LHPP: variants seen among roughly 807,000 people sequenced by gnomAD.
The protein encoded by LHPP is hLHPP.
Under a neutral mutation model 30.3 loss-of-function variants are expected in LHPP, and 24 were observed. The observed-to-expected ratio is 0.79, with a 90% CI of 0.57 to 1.11. LHPP has a LOEUF of 1.11. Ranked by LOEUF, LHPP falls within the 50% of genes most tolerant of loss-of-function variation. The pLI is 0.00. For synonymous variants in LHPP, 150 were observed against 157.1 expected (o/e 0.95, Z 0.34); for missense variants, 356 against 367.2 (o/e 0.97, Z 0.25).
intron 1 of LHPP, among the ~76,000 whole-genome samples, chr10:124,471,233 C>T (rs2133819030): frequency 6.6e-6 from 1 of 151,128 alleles, no homozygotes; most frequent in Middle Eastern, 3.4e-3. Context: ...CTCTTGAATG[C>T]CACCGCCCCA....
At chr10:124,600,597 G>A (rs536515145) in intron 6 of LHPP, among the ~76,000 whole-genome samples, 26 of 152,378 alleles carry the variant, frequency 1.7e-4, no homozygotes, top group African/African-American at 4.8e-4. Context: ...GGGCCTCCCC[G>A]GAGGAGGTGA....
chr10:124,515,883 C>T (rs1954438694), intron 5 of LHPP, among the ~76,000 whole-genome samples: 1 of 152,246 alleles, frequency 6.6e-6, no homozygotes, highest in Non-Finnish European at 1.5e-5. Flanking sequence ...AGGGAGTTTC[C>T]TCCCTCACGT....
chr10:124,484,373 T>C, intron 2 of LHPP, 47 bp downstream of exon 2: 2 of 1,556,552 alleles, frequency 1.3e-6, no homozygotes, highest in South Asian at 1.1e-5. Context: ...AAGCTCCCCT[T>C]TCCCAGGGTG....
At chr10:124,589,803 C>T (rs995544113) in intron 6 of LHPP, among the ~76,000 whole-genome samples, 12 of 152,232 alleles carry the variant, frequency 7.9e-5, no homozygotes, top group East Asian at 1.9e-4. Flanking sequence ...TCCCTGGTGC[C>T]GCAGCCCCTC....
chr10:124,584,206 GAA>G (rs34804550), intron 6 of LHPP, among the ~76,000 whole-genome samples: 63 of 146,482 alleles, frequency 4.3e-4, no homozygotes, highest in Admixed American at 1.6e-3. Flanking sequence ...CCCCATCTCT[GAA>G]AAAAAAAAAA....
chr10:124,553,308 G>A (rs1017943960), intron 6 of LHPP, among the ~76,000 whole-genome samples: 7 of 152,178 alleles, frequency 4.6e-5, no homozygotes, highest in Non-Finnish European at 1.5e-5. Context: ...AACCCAAGTG[G>A]GGTTCTCATG....
At chr10:124,511,736 C>G (rs956038773) in intron 5 of LHPP, among the ~76,000 whole-genome samples, 2 of 152,214 alleles carry the variant, frequency 1.3e-5, no homozygotes, top group Non-Finnish European at 2.9e-5. Flanking sequence ...TGTACTTTCT[C>G]AATGGCTCCT....
At chr10:124,529,842 T>G (rs578114387) in intron 6 of LHPP, among the ~76,000 whole-genome samples, 1 of 149,762 alleles carries the variant, frequency 6.7e-6, no homozygotes, top group African/African-American at 2.5e-5. Context: ...CATGCGCACA[T>G]GCACCCACGC....
chr10:124,498,310 A>G lies in LHPP; in HGVS notation c.624+182A>G, dbSNP rs376914484. The G allele has an allele frequency of 1.6e-4, 250 of 1,579,502 alleles. No individual in the cohort carries two copies. The African/African-American group carries it at 3.0e-3, about 19-fold the overall frequency. ...GAAGACAGCAAACGAAATCCACTGA[A>G]TAGTTTCAACCGTGAAGTTACTTTC... On this transcript the variant is annotated intron_variant, in intron 5 of 6. Coordinates refer to ENST00000368842, the MANE Select transcript of LHPP (RefSeq NM_022126.4).
rs966388201 is a variant in LHPP at position 124,593,278 on chromosome 10, G to A, written c.717-19986G>A. 1.3e-5 allele frequency among the ~76,000 whole-genome samples: 2 copies of A among 152,136 alleles called. No homozygotes were observed. Among genetic ancestry groups the A allele is most frequent in the Non-Finnish European group, 2.9e-5 (2 of 68,014 alleles). On this transcript the variant is annotated intron_variant, in intron 6 of 6. Coordinates refer to ENST00000368842, the MANE Select transcript of LHPP (RefSeq NM_022126.4). This position sits in a 1 kb window ranked among gnomAD's most constrained non-coding sequence, Gnocchi z 4.9. ...TCCTGCAGCCCGTGGGTGGCAGGGC[G>A]GTAACCCCATCTGCCCAGAACCAGG...
At chr10:124,485,363 C>T (rs992439272) in intron 2 of LHPP, among the ~76,000 whole-genome samples, 17 of 151,978 alleles carry the variant, frequency 1.1e-4, no homozygotes, top group African/African-American at 3.1e-4. Flanking sequence ...AAGTGGGCAT[C>T]CGCTTGGAGG....
intron 5 of LHPP, among the ~76,000 whole-genome samples, chr10:124,505,028 C>T (rs2045182): frequency 4.6e-5 from 7 of 152,106 alleles, no homozygotes; most frequent in Admixed American, 4.6e-4. Flanking sequence ...CCTCTGGTGG[C>T]TCCGAGCATA....
intron 6 of LHPP, among the ~76,000 whole-genome samples, chr10:124,549,959 C>T (rs1160659914): frequency 1.3e-5 from 2 of 152,222 alleles, no homozygotes; most frequent in Admixed American, 1.3e-4. Context: ...AATCGGTGGC[C>T]GTGAGGATGA....
chr10:124,466,732 C>T (rs916451903), intron 1 of LHPP, among the ~76,000 whole-genome samples: 7 of 151,698 alleles, frequency 4.6e-5, no homozygotes, highest in Non-Finnish European at 7.4e-5. Flanking sequence ...GCTGGGATTA[C>T]AGGTGTGAGC....
At chr10:124,568,371 T>G (rs1231922846) in intron 6 of LHPP, among the ~76,000 whole-genome samples, 1 of 152,182 alleles carries the variant, frequency 6.6e-6, no homozygotes, top group Non-Finnish European at 1.5e-5. Flanking sequence ...TTCTTGCCCT[T>G]TGCCTGCAAC....
intron 6 of LHPP, among the ~76,000 whole-genome samples, chr10:124,534,755 G>C (rs377742866): frequency 7.9e-5 from 12 of 152,224 alleles, no homozygotes; most frequent in East Asian, 5.8e-4. Flanking sequence ...TGCGGCGAGG[G>C]GGGTGCTCCC....
chr10:124,536,364 C>T (rs1430193033), intron 6 of LHPP, among the ~76,000 whole-genome samples: 6 of 152,214 alleles, frequency 3.9e-5, no homozygotes, highest in South Asian at 4.1e-4. Context: ...GTAGTGTTCC[C>T]GCATGCAGTC....
In LHPP at chr10:124,507,011, C is replaced by CA. The variant is rs1554884010; in HGVS notation, c.624+8883_624+8884insA. On this transcript the variant is annotated intron_variant, in intron 5 of 6. Transcript: ENST00000368842. ...GAGGGGGGTAGGGAGGATTTCAGGTCGGGGGGTAGACAGGATTTCAGGTGA... is the reference window on the plus strand; with the variant it reads ...GAGGGGGGTAGGGAGGATTTCAGGTCAGGGGGGTAGACAGGATTTCAGGTGA... 7.5e-4 allele frequency among the ~76,000 whole-genome samples: 2 copies of CA among 2,678 alleles called. 1 individual carries two copies. Among genetic ancestry groups the CA allele is most frequent in the Admixed American group, 0.011 (2 of 186 alleles). The allele number at this position is 2,678 out of a possible 152,430, so 1.8% of individuals were successfully genotyped here.
chr10:124,505,112 C>T (rs945371427), intron 5 of LHPP, among the ~76,000 whole-genome samples: 1 of 152,144 alleles, frequency 6.6e-6, no homozygotes, highest in Non-Finnish European at 1.5e-5. Flanking sequence ...TTCTGCCTGT[C>T]CCCTTGACAG....
Sources: gnomAD v4.1 joint callset for allele counts (sites outside exome capture counted in the v4.1 genomes callset) on GRCh38, gnomAD v4.1.1 for gene constraint, Gnocchi (gnomAD v3.1) non-coding constraint, MANE v1.5 for transcripts, NCBI Gene and HGNC (gene_info 2026-07-23, HGNC 2026-07-21) for gene names.